DSCAML1: variants seen among roughly 807,000 people sequenced by gnomAD.
DSCAML1 encodes cell adhesion molecule DSCAML1.
A neutral mutation model predicts 200.5 loss-of-function variants in DSCAML1; 38 were observed. That is an observed-to-expected ratio of 0.19 (90% confidence interval 0.15 to 0.25). The LOEUF is 0.25. DSCAML1 is among the 10% of genes least tolerant of loss of function. The pLI is 1.00. For missense variants in DSCAML1, 2,223 were observed against 2,858.8 expected (o/e 0.78, Z 5.07); for synonymous variants, 1,215 against 1,165.0 (o/e 1.04, Z -0.87).
chr11:117,788,091 C>T (rs1257982220), intron 1 of DSCAML1, among the ~76,000 whole-genome samples: 1 of 152,116 alleles, frequency 6.6e-6, no homozygotes, highest in African/African-American at 2.4e-5. Context: ...ACTGTCTGAG[C>T]CCAGACACTG....
intron 3 of DSCAML1, among the ~76,000 whole-genome samples, chr11:117,594,696 G>A (rs2051326597): frequency 1.3e-5 from 2 of 151,868 alleles, no homozygotes; most frequent in Non-Finnish European, 2.9e-5. Flanking sequence ...TTCTCTCCGT[G>A]GCCAGGCTAC....
intron 1 of DSCAML1, among the ~76,000 whole-genome samples, chr11:117,814,684 C>G (rs2055788676): frequency 6.6e-6 from 1 of 152,208 alleles, no homozygotes; most frequent in South Asian, 2.1e-4. Context: ...AGCAGTGGGG[C>G]CTCAGATGTG....
intron 3 of DSCAML1, among the ~76,000 whole-genome samples, chr11:117,639,488 G>T (rs1224743052): frequency 6.6e-6 from 1 of 151,110 alleles, no homozygotes; most frequent in Non-Finnish European, 1.5e-5. Flanking sequence ...AGCTGGATGG[G>T]TGGGAGGCTG....
At chr11:117,603,491 T>C (rs1480012464) in intron 3 of DSCAML1, among the ~76,000 whole-genome samples, 1 of 152,224 alleles carries the variant, frequency 6.6e-6, no homozygotes, top group African/African-American at 2.4e-5. Flanking sequence ...ATGGTGATAG[T>C]GAACTACCTA....
upstream of DSCAML1, chr11:117,801,583 A>G (rs1175515711): frequency 6.6e-6 from 1 of 152,270 alleles, no homozygotes; most frequent in Non-Finnish European, 1.5e-5. Context: ...TGATGCCTAT[A>G]TATAAAAAAA....
At chr11:117,567,476 C>T (rs1176849087) in intron 3 of DSCAML1, among the ~76,000 whole-genome samples, 2 of 152,150 alleles carry the variant, frequency 1.3e-5, no homozygotes, top group Middle Eastern at 3.4e-3. Flanking sequence ...ATTCTGGACA[C>T]TAGCCCTTTG....
At position 117,489,316 on chromosome 11, in the gene DSCAML1, C is replaced by A. The variant is rs551777065; in HGVS notation, c.2360-7154G>T. Among the ~76,000 whole-genome samples, 2 of 152,166 alleles carry A rather than the reference C, an allele frequency of 1.3e-5. No individual in the cohort carries two copies. The highest frequency in any genetic ancestry group is 2.9e-5 in the Non-Finnish European group (2 of 68,032). On this transcript the variant is annotated intron_variant, in intron 11 of 32. Coordinates refer to ENST00000651296, the MANE Select transcript of DSCAML1 (RefSeq NM_020693.4). The surrounding 1 kb of genome is among the most constrained non-coding windows in gnomAD (Gnocchi z 4.8). ...GGTATATGCACAGGGCTGGGTCCTG[C>A]GTGACAAATGCTAATGACAGCCACA... is the stretch of plus-strand genomic sequence containing the variant.
At chr11:117,636,975 C>T (rs1480669601) in intron 3 of DSCAML1, among the ~76,000 whole-genome samples, 1 of 152,242 alleles carries the variant, frequency 6.6e-6, no homozygotes, top group Non-Finnish European at 1.5e-5. Context: ...TCATGAACAC[C>T]TTACTCTATG....
chr11:117,640,236 CCTCT>C lies in DSCAML1; in HGVS notation c.512-107718_512-107715del, dbSNP rs552522138. Among the ~76,000 whole-genome samples, 1,342 of 152,332 alleles carry C rather than the reference CCTCT, an allele frequency of 8.8e-3. 11 individuals are homozygous for C. Among genetic ancestry groups the C allele is most frequent in the Non-Finnish European group, 0.013 (853 of 68,018 alleles). On this transcript the variant is annotated intron_variant, in intron 3 of 32. Transcript: ENST00000651296. ...CCACCTGGCAAACCCGCCCCACAGCCCTCTCATGGACCAAGGGCTCTGTGTCTGC... is the reference window on the plus strand; with the variant it reads ...CCACCTGGCAAACCCGCCCCACAGCCCATGGACCAAGGGCTCTGTGTCTGC...
At chr11:117,470,880 G>A (rs542592543) in intron 15 of DSCAML1, among the ~76,000 whole-genome samples, 95 of 152,246 alleles carry the variant, frequency 6.2e-4, no homozygotes, top group South Asian at 2.1e-4. Flanking sequence ...AGCAAGACAC[G>A]GAAGAATAGA....
chr11:117,767,930 A>G (rs2134029060), intron 3 of DSCAML1, among the ~76,000 whole-genome samples: 1 of 152,282 alleles, frequency 6.6e-6, no homozygotes, highest in East Asian at 1.9e-4. Context: ...GACCCTACAT[A>G]CACTTATGGA....
intron 3 of DSCAML1, among the ~76,000 whole-genome samples, chr11:117,656,862 C>T (rs932062508): frequency 6.6e-6 from 1 of 152,214 alleles, no homozygotes; most frequent in Non-Finnish European, 1.5e-5. Context: ...TGCCCAGGCA[C>T]CCCTGAGGAA....
At chr11:117,716,985 C>A (rs1427135322) in intron 3 of DSCAML1, among the ~76,000 whole-genome samples, 1 of 149,810 alleles carries the variant, frequency 6.7e-6, no homozygotes, top group Non-Finnish European at 1.5e-5. Context: ...CCAGAAATTC[C>A]CATCCCAGAT....
Position 117,797,127 on chromosome 11 carries a change from G to C in DSCAML1, c.-48C>G. On this transcript the variant is annotated 5_prime_UTR_variant, in exon 1 of 33. Coordinates refer to ENST00000651296, the MANE Select transcript of DSCAML1 (RefSeq NM_020693.4). Reference sequence around the variant, plus strand: ...CGGGGAGGTGGTCCTGTGGCCGGCCGTGCGGCAGCGCCTCTCCCCCGCTCA... The same window carrying C: ...CGGGGAGGTGGTCCTGTGGCCGGCCCTGCGGCAGCGCCTCTCCCCCGCTCA... 1.9e-6 allele frequency: 3 copies of C among 1,589,956 alleles called. No individual in the cohort carries two copies. The highest frequency in any genetic ancestry group is 1.7e-6 in the Non-Finnish European group (2 of 1,169,282).
At chr11:117,436,022 A>T (rs2305823) in intron 26 of DSCAML1, among the ~76,000 whole-genome samples, 33 of 152,140 alleles carry the variant, frequency 2.2e-4, no homozygotes, top group African/African-American at 8.0e-4. Flanking sequence ...TTATTAACAA[A>T]GTCCTGGTAC....
In DSCAML1 at chr11:117,498,772, T is replaced by C. The variant is rs759356889; in HGVS notation, c.2359+5073A>G. On this transcript the variant is annotated intron_variant, in intron 11 of 32. Coordinates refer to ENST00000651296, the MANE Select transcript of DSCAML1 (RefSeq NM_020693.4). The surrounding 1 kb of genome is among the most constrained non-coding windows in gnomAD (Gnocchi z 4.0). ...TTGGCCCCAAGCTCCCCGCTCCTGATGTTGTGGCTGCGCAGCTGGGTGTGT... is the reference window on the plus strand; with the variant it reads ...TTGGCCCCAAGCTCCCCGCTCCTGACGTTGTGGCTGCGCAGCTGGGTGTGT... 6.6e-6 allele frequency among the ~76,000 whole-genome samples: 1 copy of C among 152,066 alleles called. No homozygotes were observed. The highest frequency in any genetic ancestry group is 2.4e-5 in the African/African-American group (1 of 41,410).
intron 3 of DSCAML1, among the ~76,000 whole-genome samples, chr11:117,607,115 C>A (rs1335878741): frequency 6.6e-6 from 1 of 152,240 alleles, no homozygotes; most frequent in African/African-American, 2.4e-5. Context: ...GGGAGGGCAG[C>A]AGGGCAGGGG....
In DSCAML1 at chr11:117,503,026, T is replaced by TGA. The variant is rs1367451979; in HGVS notation, c.2359+817_2359+818dup. Reference sequence around the variant, plus strand: ...CCAGATGGACGTGGCCCTTCTGATGTGATTCCCAGGAATCCATTATACAGA... The same window carrying TGA: ...CCAGATGGACGTGGCCCTTCTGATGTGAGATTCCCAGGAATCCATTATACAGA... On this transcript the variant is annotated intron_variant, in intron 11 of 32. Coordinates refer to ENST00000651296, the MANE Select transcript of DSCAML1 (RefSeq NM_020693.4). The surrounding 1 kb of genome is among the most constrained non-coding windows in gnomAD (Gnocchi z 5.2). 6.6e-6 allele frequency among the ~76,000 whole-genome samples: 1 copy of TGA among 152,174 alleles called. No individual in the cohort carries two copies. The highest frequency in any genetic ancestry group is 2.4e-5 in the African/African-American group (1 of 41,430).
chr11:117,596,067 C>T (rs545368011), intron 3 of DSCAML1, among the ~76,000 whole-genome samples: 2 of 152,298 alleles, frequency 1.3e-5, no homozygotes, highest in East Asian at 1.9e-4. Context: ...GCAAGCCCAT[C>T]GCTCCTGCAG....
Sources: gnomAD v4.1 joint callset for allele counts (sites outside exome capture counted in the v4.1 genomes callset) on GRCh38, gnomAD v4.1.1 for gene constraint, Gnocchi (gnomAD v3.1) non-coding constraint, MANE v1.5 for transcripts, NCBI Gene and HGNC (gene_info 2026-07-23, HGNC 2026-07-21) for gene names.